The following TAPT1 variants were observed in gnomAD, a reference collection of about 807,000 sequenced individuals.
TAPT1 encodes transmembrane anterior posterior transformation protein 1 homolog.
TAPT1 carries 28 observed loss-of-function variants against 65.6 expected under a neutral mutation model. That is an observed-to-expected ratio of 0.43 (90% CI 0.32 to 0.59). TAPT1 has a LOEUF of 0.59. Ranked by LOEUF, TAPT1 falls within the 20% of genes least tolerant of loss-of-function variation. TAPT1 has a pLI of 0.09. For missense variants in TAPT1, 563 were observed against 679.9 expected, an observed-to-expected ratio of 0.83 and a Z score of 1.91; for synonymous variants, 278 against 245.2, an observed-to-expected ratio of 1.13 and a Z score of -1.25.
chr4:16,185,661 G>A (rs1191525197), intron 7 of TAPT1, among the ~76,000 whole-genome samples: 5 of 152,224 alleles, frequency 3.3e-5, no homozygotes, highest in East Asian at 1.9e-4. Context: ...TAGCCACTGC[G>A]CCTGGCTGAT....
chr4:16,226,933 C>A, upstream of TAPT1: 1 of 392,648 alleles, frequency 2.5e-6, no homozygotes, highest in South Asian at 1.8e-5. Flanking sequence ...GCCTCTTTTG[C>A]AGACTCGGTG....
In TAPT1 at chr4:16,202,593, A is replaced by G. The variant is rs371564055; in HGVS notation, c.331-13T>C. 29 of 1,386,282 alleles carry G rather than the reference A, an allele frequency of 2.1e-5. No individual in the cohort carries two copies. Among genetic ancestry groups the G allele is most frequent in the Non-Finnish European group, 2.7e-5 (28 of 1,022,708 alleles). 85.9% of individuals were successfully genotyped at this position (1,386,282 alleles called of 1,614,324 possible). A position where few individuals can be genotyped will look rare whatever the true frequency, so the allele number is the denominator to read the frequency against. ...CAAAAACCATCAGCTGAATTTTAAC[A>G]AGGAGAGAAGAAAAAAAAAAAGTAT... On this transcript the variant is annotated splice_polypyrimidine_tract_variant and intron_variant, in intron 2 of 13. Coordinates refer to ENST00000405303, the MANE Select transcript of TAPT1 (RefSeq NM_153365.3).
chr4:16,163,168 A>C lies in TAPT1; in HGVS notation c.*140T>G, dbSNP rs1747363524. On this transcript the variant is annotated 3_prime_UTR_variant, in exon 14 of 14. Transcript: ENST00000405303. ...TCAGCCAGGCCATATTACTGGAAGAAAGATACTAAGATTTGCTTGCCAATA... is the reference window on the plus strand; with the variant it reads ...TCAGCCAGGCCATATTACTGGAAGACAGATACTAAGATTTGCTTGCCAATA... The C allele has an allele frequency of 5.7e-6, 4 of 704,176 alleles. No homozygotes were observed. 43.6% of individuals were successfully genotyped at this position (704,176 alleles called of 1,614,324 possible).
In TAPT1 at chr4:16,163,341, G is replaced by A. The variant is rs1747374813; in HGVS notation, c.1671C>T (p.Asp557=). The change falls in exon 14 of 14, where the codon GAC becomes GAT. Residue 557 remains aspartate (D), a synonymous_variant. Transcript: ENST00000405303. The part of the protein sequence containing the change: ...RSSKKDLLEI[D]RFTICGNRID ...TTCGGTTTCCACAAATTGTGAACCT[G>A]TCTATCTCTAACAAATCTTTCTTTG... 1 of 1,614,006 alleles carries A rather than the reference G, an allele frequency of 6.2e-7. No individual in the cohort carries two copies. Among genetic ancestry groups the A allele is most frequent in the Non-Finnish European group, 8.5e-7 (1 of 1,179,862 alleles).
At chr4:16,206,003 A>T (rs1259401848) in intron 2 of TAPT1, among the ~76,000 whole-genome samples, 1 of 152,230 alleles carries the variant, frequency 6.6e-6, no homozygotes, top group African/African-American at 2.4e-5. Context: ...AAACTCACAT[A>T]TAGGGATCAA....
In TAPT1 at chr4:16,200,480, A is replaced by G. The variant is rs948596481; in HGVS notation, c.449+1982T>C. 2.0e-5 allele frequency among the ~76,000 whole-genome samples: 3 copies of G among 152,030 alleles called. No homozygotes were observed. In the East Asian group the frequency reaches 5.8e-4, roughly 29 times the overall value. On this transcript the variant is annotated intron_variant, in intron 3 of 13. Coordinates refer to ENST00000405303, the MANE Select transcript of TAPT1 (RefSeq NM_153365.3). ...GCTGGGACCACAGACATGTGCCACCATGTCTGGCTAATTTTTTAAATTTTT... is the reference window on the plus strand; with the variant it reads ...GCTGGGACCACAGACATGTGCCACCGTGTCTGGCTAATTTTTTAAATTTTT...
In TAPT1 at chr4:16,162,397, T is replaced by C. The variant is rs1560676219; in HGVS notation, c.*911A>G. 1 of 152,834 alleles carries C rather than the reference T, an allele frequency of 6.5e-6. No homozygotes were observed. Among genetic ancestry groups the C allele is most frequent in the Non-Finnish European group, 1.5e-5 (1 of 68,152 alleles). The allele number at this position is 152,834 out of a possible 1,614,324, so 9.5% of individuals were successfully genotyped here. A position where few individuals can be genotyped will look rare whatever the true frequency, so the allele number is the denominator to read the frequency against. ...TGGAGCATTTACTTTACAGTTAAAG[T>C]TGACAGTTTTGAATTTTGTACATTG... On this transcript the variant is annotated 3_prime_UTR_variant, in exon 14 of 14. Transcript: ENST00000405303.
chr4:16,210,847 G>A (rs1212318361), intron 2 of TAPT1, among the ~76,000 whole-genome samples: 2 of 152,088 alleles, frequency 1.3e-5, no homozygotes, highest in African/African-American at 2.4e-5. Context: ...CATTTATGGT[G>A]GAAGAGAAGA....
intron 2 of TAPT1, among the ~76,000 whole-genome samples, chr4:16,211,621 C>A (rs1416503296): frequency 1.3e-5 from 2 of 152,124 alleles, no homozygotes; most frequent in Admixed American, 1.3e-4. Context: ...TCAGGGAAAA[C>A]AAAAATCATT....
At chr4:16,168,271 C>T (rs919069396) in intron 12 of TAPT1, among the ~76,000 whole-genome samples, 1 of 152,108 alleles carries the variant, frequency 6.6e-6, no homozygotes. Flanking sequence ...TGCCACCACG[C>T]CCAGCTAATT....
intron 1 of TAPT1, among the ~76,000 whole-genome samples, chr4:16,217,876 G>A (rs1218346216): frequency 6.6e-6 from 1 of 152,198 alleles, no homozygotes; most frequent in Non-Finnish European, 1.5e-5. Flanking sequence ...CTAAGTGACT[G>A]TAAAGGTAAC....
At chr4:16,218,301 A>G (rs2108896109) in intron 1 of TAPT1, among the ~76,000 whole-genome samples, 1 of 152,302 alleles carries the variant, frequency 6.6e-6, no homozygotes, top group East Asian at 1.9e-4. Flanking sequence ...GCTACTTGGG[A>G]GGCTGAGGCA....
chr4:16,165,704 A>G (rs1045405806), intron 13 of TAPT1, among the ~76,000 whole-genome samples: 23 of 152,188 alleles, frequency 1.5e-4, no homozygotes, highest in Middle Eastern at 3.4e-3. Context: ...CAACCCAGAA[A>G]CCCTGGAATC....
At chr4:16,165,194 G>A (rs1012679284) in intron 13 of TAPT1, among the ~76,000 whole-genome samples, 6 of 152,140 alleles carry the variant, frequency 3.9e-5, no homozygotes, top group African/African-American at 1.4e-4. Context: ...GTAGTTACAT[G>A]AGGCCTTGAA....
rs2056965129 is a variant in TAPT1, at chr4:16,226,446, G to C, written c.12C>G (p.Val4=). Reference sequence around the variant, plus strand: ...CTTCTCCCGGAGCGGCCGCGTCGCCGACGCCCGCCATGTTCCGAGCACAAC... The same window carrying C: ...CTTCTCCCGGAGCGGCCGCGTCGCCCACGCCCGCCATGTTCCGAGCACAAC... MAG[V]GDAAAPGEGG... The change falls in exon 1 of 14, where the codon GTC becomes GTG. Residue 4 remains valine, a synonymous_variant. Transcript: ENST00000405303. The C allele has an allele frequency of 4.7e-6, 5 of 1,068,116 alleles. No homozygotes were observed. The highest frequency in any genetic ancestry group is 5.6e-6 in the Non-Finnish European group (5 of 885,388). The allele number at this position is 1,068,116 out of a possible 1,614,324, so 66.2% of individuals were successfully genotyped here.
chr4:16,183,164 C>G (rs1047292310), intron 7 of TAPT1: 1 of 152,072 alleles, frequency 6.6e-6, no homozygotes, highest in South Asian at 2.1e-4. Flanking sequence ...AATAGCTGAA[C>G]GTTGCCTAGA....
intron 7 of TAPT1, among the ~76,000 whole-genome samples, chr4:16,180,554 C>T (rs185214073): frequency 6.6e-6 from 1 of 152,314 alleles, no homozygotes; most frequent in East Asian, 1.9e-4. Context: ...CCATATCATT[C>T]AGCCATGGCG....
At chr4:16,189,151 TA>T (rs1749201011) in intron 4 of TAPT1, among the ~76,000 whole-genome samples, 1 of 152,182 alleles carries the variant, frequency 6.6e-6, no homozygotes, top group African/African-American at 2.4e-5. Context: ...GAATACAGTA[TA>T]ACAGGTAAAA....
At chr4:16,217,308 A>G (rs999155934) in intron 1 of TAPT1, among the ~76,000 whole-genome samples, 3 of 152,232 alleles carry the variant, frequency 2.0e-5, no homozygotes, top group Admixed American at 2.0e-4. Context: ...TTGCTAAAAC[A>G]ATATACAGGT....
Sources: allele counts gnomAD v4.1 joint callset (sites outside exome capture counted in the v4.1 genomes callset), GRCh38; gene constraint gnomAD v4.1.1; transcripts MANE v1.5; gene names NCBI Gene and HGNC (gene_info 2026-07-23, HGNC 2026-07-21).